The following TENM3 variants were observed in gnomAD, a reference collection of about 807,000 sequenced individuals.
TENM3 encodes the protein teneurin transmembrane protein 3, also known as teneurin-3.
A neutral mutation model predicts 255.1 loss-of-function variants in TENM3; 63 were observed. That is an observed-to-expected ratio of 0.25 (90% CI 0.20 to 0.30). TENM3 has a LOEUF of 0.30. TENM3 is among the 10% of genes least tolerant of loss of function. TENM3 has a pLI of 1.00. For missense variants in TENM3, 2,929 were observed against 3,461.1 expected, an observed-to-expected ratio of 0.85 and a Z score of 3.86; for synonymous variants, 1,306 against 1,322.3, an observed-to-expected ratio of 0.99 and a Z score of 0.27.
intron 3 of TENM3, among the ~76,000 whole-genome samples, chr4:182,587,045 G>A (rs1746091322): frequency 2.0e-5 from 3 of 152,066 alleles, no homozygotes; most frequent in Non-Finnish European, 4.4e-5. Flanking sequence ...TTTTTAAAAT[G>A]TATTATAATT....
intron 1 of TENM3, among the ~76,000 whole-genome samples, chr4:182,228,987 G>C (rs1048202704): frequency 4.6e-5 from 7 of 152,170 alleles, no homozygotes; most frequent in African/African-American, 1.7e-4. Flanking sequence ...GCTACACCCA[G>C]GTTGGGCTGG....
At chr4:182,498,075 A>C (rs1376772107) in intron 3 of TENM3, among the ~76,000 whole-genome samples, 1 of 152,044 alleles carries the variant, frequency 6.6e-6, no homozygotes. Flanking sequence ...TCCTATTCAA[A>C]ATTAAGTAGA....
chr4:181,858,033 TA>T, the TENM3 span, among the ~76,000 whole-genome samples: 1 of 152,228 alleles, frequency 6.6e-6, no homozygotes, highest in Non-Finnish European at 1.5e-5. Context: ...CAGCTACTTC[TA>T]AATATCTAGA....
At position 182,785,712 on chromosome 4, in the gene TENM3, T is replaced by TAAAA. The variant is rs397879537; in HGVS notation, c.5305-3363_5305-3360dup. Among the ~76,000 whole-genome samples the TAAAA allele has an allele frequency of 4.9e-3, 293 of 60,066 alleles. 7 individuals carry two copies. The highest frequency in any genetic ancestry group is 7.4e-3 in the African/African-American group (114 of 15,306). 39.4% of individuals were successfully genotyped at this position (60,066 alleles called of 152,430 possible). A position where few individuals can be genotyped will look rare whatever the true frequency, so the allele number is the denominator to read the frequency against. On this transcript the variant is annotated intron_variant, in intron 24 of 27. Transcript: ENST00000511685. ...GTCCCAGCCAGACCCTGTCTCAAGA[T>TAAAA]AAAAAAAAAAAAAAAAAAAAAGCCA...
chr4:181,989,482 A>G, the TENM3 span, among the ~76,000 whole-genome samples: 1 of 152,156 alleles, frequency 6.6e-6, no homozygotes, highest in Non-Finnish European at 1.5e-5. Flanking sequence ...TTTCTTTAAC[A>G]TATCTGTAAA....
chr4:181,541,380 G>A, the TENM3 span, among the ~76,000 whole-genome samples: 8 of 151,976 alleles, frequency 5.3e-5, no homozygotes. Flanking sequence ...GCGAGATCCT[G>A]TCTCTTAAAA....
At chr4:182,107,741 AG>A in the TENM3 span, among the ~76,000 whole-genome samples, 1 of 152,164 alleles carries the variant, frequency 6.6e-6, no homozygotes, top group Non-Finnish European at 1.5e-5. Flanking sequence ...AAAATCTACT[AG>A]GAAGTTTCTT....
chr4:181,701,925 G>T, the TENM3 span, among the ~76,000 whole-genome samples: 32 of 152,278 alleles, frequency 2.1e-4, 1 homozygote, highest in Non-Finnish European at 3.1e-4. Context: ...GCGTATGATG[G>T]CTTGTGGTTC....
the TENM3 span, among the ~76,000 whole-genome samples, chr4:181,779,141 A>T: frequency 6.6e-6 from 1 of 152,002 alleles, no homozygotes; most frequent in Non-Finnish European, 1.5e-5. Flanking sequence ...GACACGCTTG[A>T]TCTACCAGCA....
the TENM3 span, among the ~76,000 whole-genome samples, chr4:181,708,003 T>C: frequency 6.6e-6 from 1 of 152,178 alleles, no homozygotes; most frequent in Non-Finnish European, 1.5e-5. Context: ...ATTAGTGGGA[T>C]TGTTTCTATT....
At chr4:182,230,127 TAAAAA>T (rs34376758) in intron 1 of TENM3, among the ~76,000 whole-genome samples, 22 of 134,268 alleles carry the variant, frequency 1.6e-4, no homozygotes, top group Admixed American at 2.2e-4. Context: ...TTGATGCTAC[TAAAAA>T]AAAAAAAAAA....
At chr4:182,669,757 G>A (rs927843874) in intron 6 of TENM3, among the ~76,000 whole-genome samples, 4 of 152,230 alleles carry the variant, frequency 2.6e-5, no homozygotes, top group Middle Eastern at 3.4e-3. Context: ...AAAAAGCAAA[G>A]ATTTTATTGA....
chr4:182,362,887 T>C (rs1766126884), intron 3 of TENM3, among the ~76,000 whole-genome samples: 1 of 152,210 alleles, frequency 6.6e-6, no homozygotes, highest in Non-Finnish European at 1.5e-5. Context: ...AAAACTTTTA[T>C]TTTTTAAGGT....
the TENM3 span, among the ~76,000 whole-genome samples, chr4:181,551,298 A>ATTTC: frequency 0.12 from 18,675 of 152,062 alleles, 1,240 homozygotes; most frequent in South Asian, 0.16. Flanking sequence ...GAGAATGAGG[A>ATTTC]TTTCTTTTTC....
At chr4:182,564,315 A>G (rs1743533636) in intron 3 of TENM3, among the ~76,000 whole-genome samples, 1 of 151,896 alleles carries the variant, frequency 6.6e-6, no homozygotes. Flanking sequence ...TAAAAAAAAA[A>G]AAAAGAAATT....
chr4:182,078,322 G>C, the TENM3 span, among the ~76,000 whole-genome samples: 1 of 152,098 alleles, frequency 6.6e-6, no homozygotes, highest in African/African-American at 2.4e-5. Flanking sequence ...AGGAGATCAA[G>C]ACCATCTTGG....
chr4:181,525,160 C>T, the TENM3 span, among the ~76,000 whole-genome samples: 1 of 152,034 alleles, frequency 6.6e-6, no homozygotes, highest in African/African-American at 2.4e-5. Context: ...CCTGTAATTC[C>T]GGCACCTTGG....
intron 1 of TENM3, among the ~76,000 whole-genome samples, chr4:182,188,472 A>G (rs1753308187): frequency 6.6e-6 from 1 of 152,134 alleles, no homozygotes; most frequent in Admixed American, 6.5e-5. Context: ...CAGGTGTCTA[A>G]CCTACCGTAG....
chr4:182,117,807 A>G, the TENM3 span, among the ~76,000 whole-genome samples: 1 of 151,686 alleles, frequency 6.6e-6, no homozygotes, highest in Admixed American at 6.6e-5. Flanking sequence ...CAGTTTGTCA[A>G]CTCTAAGTTA....
Sources: gnomAD v4.1 joint callset for allele counts (sites outside exome capture counted in the v4.1 genomes callset) on GRCh38, gnomAD v4.1.1 for gene constraint, MANE v1.5 for transcripts, NCBI Gene and HGNC (gene_info 2026-07-23, HGNC 2026-07-21) for gene names.